Variants in CTNNA2 observed in about 807,000 individuals in gnomAD.
CTNNA2 encodes the protein catenin alpha-2.
Under a neutral mutation model 101.0 loss-of-function variants are expected in CTNNA2, and 42 were observed. The ratio of observed to expected loss-of-function variants is 0.42; its 90% CI spans 0.32 to 0.54. The LOEUF is 0.54. CTNNA2 is among the 20% of genes least tolerant of loss of function. The pLI is 0.14. For synonymous variants in CTNNA2, 450 were observed against 456.4 expected (o/e 0.99, Z 0.18); for missense variants, 871 against 1,223.1 (o/e 0.71, Z 4.29).
chr2:80,524,906 G>A (rs1689895851), intron 9 of CTNNA2, among the ~76,000 whole-genome samples: 1 of 152,120 alleles, frequency 6.6e-6, no homozygotes, highest in Admixed American at 6.6e-5. Flanking sequence ...CTCATTAGAT[G>A]TCTCCCCCTT....
At chr2:80,385,028 G>C (rs1676869755) in intron 7 of CTNNA2, among the ~76,000 whole-genome samples, 1 of 152,052 alleles carries the variant, frequency 6.6e-6, no homozygotes, top group African/African-American at 2.4e-5. Context: ...GAGGCCAAGT[G>C]TGTCATTCAT....
intron 1 of CTNNA2, among the ~76,000 whole-genome samples, chr2:79,186,406 C>A (rs1238606012): frequency 6.6e-6 from 1 of 152,206 alleles, no homozygotes; most frequent in African/African-American, 2.4e-5. Flanking sequence ...GAGCACTCTA[C>A]TTTTCATGGT....
intron 7 of CTNNA2, among the ~76,000 whole-genome samples, chr2:79,921,009 T>C (rs1186918324): frequency 1.3e-5 from 2 of 152,184 alleles, no homozygotes; most frequent in East Asian, 3.9e-4. Flanking sequence ...CTTTGGAAAT[T>C]TCTTAACTCA....
chr2:79,837,869 A>G (rs1294453544), intron 3 of CTNNA2, among the ~76,000 whole-genome samples: 1 of 152,174 alleles, frequency 6.6e-6, no homozygotes, highest in African/African-American at 2.4e-5. Context: ...TTCATTGTTC[A>G]GGCTTTTGTA....
intron 7 of CTNNA2, among the ~76,000 whole-genome samples, chr2:80,116,939 A>T (rs1181044020): frequency 1.4e-5 from 1 of 73,846 alleles, no homozygotes; most frequent in Admixed American, 1.6e-4. Flanking sequence ...GTGTGTGTCT[A>T]TGCAAAGGTA....
Position 79,803,547 on chromosome 2 carries a change from G to C in CTNNA2, c.299-54466G>C, listed in dbSNP as rs866204775. Reference sequence around the variant, plus strand: ...CAGATCGCTTATGCTGTTGTTTGTGGCTTAAGGATGCCTTTAAGCAGTTTT... The same window carrying C: ...CAGATCGCTTATGCTGTTGTTTGTGCCTTAAGGATGCCTTTAAGCAGTTTT... On this transcript the variant is annotated intron_variant, in intron 3 of 18. Transcript: ENST00000402739. 6.0e-3 allele frequency among the ~76,000 whole-genome samples: 909 copies of C among 152,388 alleles called. 10 individuals carry two copies. Among genetic ancestry groups the C allele is most frequent in the African/African-American group, 0.021 (854 of 41,594 alleles).
At chr2:80,189,386 C>T (rs1706330079) in intron 7 of CTNNA2, among the ~76,000 whole-genome samples, 1 of 152,226 alleles carries the variant, frequency 6.6e-6, no homozygotes, top group Admixed American at 6.5e-5. Context: ...CACTTCTCAA[C>T]TCTAGCTGAG....
At chr2:80,023,638 T>C (rs1047032344) in intron 7 of CTNNA2, among the ~76,000 whole-genome samples, 1 of 152,206 alleles carries the variant, frequency 6.6e-6, no homozygotes, top group South Asian at 2.1e-4. Context: ...AGTAACTCTT[T>C]ATGGTATGGC....
chr2:79,744,292 A>G, intron 2 of CTNNA2, 95 bp from the exon 3 acceptor site: 2 of 1,232,658 alleles, frequency 1.6e-6, no homozygotes, highest in South Asian at 3.3e-5. Flanking sequence ...AAATCCCATG[A>G]TTTAATAAAC....
chr2:79,837,532 T>C (rs759565825), intron 3 of CTNNA2, among the ~76,000 whole-genome samples: 53 of 152,270 alleles, frequency 3.5e-4, no homozygotes, highest in Non-Finnish European at 6.2e-4. Flanking sequence ...ACCCAACCCA[T>C]TGAATAATAC....
chr2:79,646,871 A>G (rs576987288), intron 1 of CTNNA2, among the ~76,000 whole-genome samples: 12 of 152,292 alleles, frequency 7.9e-5, no homozygotes, highest in East Asian at 7.7e-4. Flanking sequence ...TTCAAATTCT[A>G]GGAGCTTTCT....
chr2:80,600,405 A>T (rs1181254679), intron 15 of CTNNA2, among the ~76,000 whole-genome samples: 1 of 151,966 alleles, frequency 6.6e-6, no homozygotes, highest in East Asian at 1.9e-4. Context: ...AACTGTAAAA[A>T]AAAGAAACCT....
intron 9 of CTNNA2, among the ~76,000 whole-genome samples, chr2:80,522,640 G>C (rs1227669835): frequency 6.6e-6 from 1 of 151,898 alleles, no homozygotes; most frequent in Non-Finnish European, 1.5e-5. Flanking sequence ...TTGGATCATG[G>C]GGATGGTTTA....
chr2:79,489,628 T>C (rs2104563459), intron 4 of CTNNA2, among the ~76,000 whole-genome samples: 1 of 152,338 alleles, frequency 6.6e-6, no homozygotes, highest in South Asian at 2.1e-4. Context: ...AAGAATAAGA[T>C]AACTGTATCT....
At chr2:80,505,959 C>T (rs1688246555) in intron 9 of CTNNA2, among the ~76,000 whole-genome samples, 1 of 152,184 alleles carries the variant, frequency 6.6e-6, no homozygotes, top group Admixed American at 6.5e-5. Flanking sequence ...TTTTCATCAG[C>T]TAGGCAATTT....
At chr2:80,193,499 C>T (rs1225871828) in intron 7 of CTNNA2, among the ~76,000 whole-genome samples, 1 of 152,196 alleles carries the variant, frequency 6.6e-6, no homozygotes. Flanking sequence ...CTCCATTTTA[C>T]AGATGCAGAA....
At chr2:79,331,829 T>G (rs1676879990) in intron 3 of CTNNA2, among the ~76,000 whole-genome samples, 1 of 152,140 alleles carries the variant, frequency 6.6e-6, no homozygotes, top group Non-Finnish European at 1.5e-5. Context: ...GGAAAGCAAA[T>G]AACAAAGAGT....
At chr2:79,741,319 A>G (rs1211180062) in intron 2 of CTNNA2, among the ~76,000 whole-genome samples, 2 of 152,212 alleles carry the variant, frequency 1.3e-5, no homozygotes, top group Non-Finnish European at 2.9e-5. Context: ...TATTAAGTTT[A>G]TGGTAAAAAG....
chr2:79,902,210 C>T (rs910772904), intron 6 of CTNNA2, among the ~76,000 whole-genome samples: 12 of 152,112 alleles, frequency 7.9e-5, no homozygotes, highest in African/African-American at 2.7e-4. Context: ...TAGCATCGTG[C>T]ATGCAGAAAG....
Sources: gnomAD v4.1 joint callset for allele counts (sites outside exome capture counted in the v4.1 genomes callset) on GRCh38, gnomAD v4.1.1 for gene constraint, MANE v1.5 for transcripts, NCBI Gene and HGNC (gene_info 2026-07-23, HGNC 2026-07-21) for gene names.